The following LRIG1 variants were observed in gnomAD, a reference collection of about 807,000 sequenced individuals.
The protein encoded by LRIG1 is leucine-rich repeats and immunoglobulin-like domains protein 1.
Under a neutral mutation model 99.2 loss-of-function variants are expected in LRIG1, and 48 were observed. That is an observed-to-expected ratio of 0.48 (90% CI 0.38 to 0.62). The LOEUF is 0.62. LRIG1 is among the 20% of genes least tolerant of loss of function. The probability of loss-of-function intolerance (pLI) is 0.00; values close to 1 mark genes in which losing one functional copy is unlikely to be tolerated. For missense variants in LRIG1, 1,646 were observed against 1,434.4 expected, an observed-to-expected ratio of 1.15 and a Z score of -2.38; for synonymous variants, 772 against 596.1, an observed-to-expected ratio of 1.29 and a Z score of -4.30.
At chr3:66,461,975 G>A (rs980329490) in intron 2 of LRIG1, among the ~76,000 whole-genome samples, 2 of 152,120 alleles carry the variant, frequency 1.3e-5, no homozygotes, top group African/African-American at 2.4e-5. Context: ...TGTTGAGTGG[G>A]CTGATTAACC....
At chr3:66,401,595 G>A (rs951064467) in intron 9 of LRIG1, 2 of 1,496,308 alleles carry the variant, frequency 1.3e-6, no homozygotes, top group Non-Finnish European at 1.8e-6. Context: ...TGGTAGATTA[G>A]GCAGGGTCCT....
In LRIG1 at chr3:66,450,671, G is replaced by C. The variant is rs528584636; in HGVS notation, c.365+888C>G. Among the ~76,000 whole-genome samples the C allele has an allele frequency of 2.6e-5, 4 of 152,286 alleles. No homozygotes were observed. In the South Asian group the frequency reaches 6.2e-4, roughly 24 times the overall value. On this transcript the variant is annotated intron_variant, in intron 3 of 18. Coordinates refer to ENST00000273261, the MANE Select transcript of LRIG1 (RefSeq NM_015541.3). ...GCAAAGTTTCTCTGCTCAGCCTGCC[G>C]AGCCTCAGTATTGAGAAAAGATTCA...
intron 12 of LRIG1, among the ~76,000 whole-genome samples, chr3:66,392,603 G>T (rs1522912): frequency 6.8e-6 from 1 of 147,612 alleles, no homozygotes; most frequent in Non-Finnish European, 1.5e-5. Context: ...CGTTTTTAGA[G>T]GGGGGGAAGC....
intron 3 of LRIG1, among the ~76,000 whole-genome samples, chr3:66,421,963 A>T (rs972420700): frequency 2.0e-5 from 3 of 152,170 alleles, no homozygotes; most frequent in Admixed American, 2.0e-4. Context: ...AGCTGCCAAG[A>T]CTTGGGGCTT....
intron 1 of LRIG1, among the ~76,000 whole-genome samples, chr3:66,467,739 T>C (rs1034586511): frequency 6.6e-6 from 1 of 152,248 alleles, no homozygotes; most frequent in Non-Finnish European, 1.5e-5. Context: ...ACAGAGGTTA[T>C]TTCTATCAGC....
At chr3:66,486,176 A>G (rs949337143) in intron 1 of LRIG1, among the ~76,000 whole-genome samples, 4 of 152,190 alleles carry the variant, frequency 2.6e-5, no homozygotes, top group African/African-American at 9.6e-5. Context: ...CAGTTATAAT[A>G]ATAACATTAT....
chr3:66,410,032 C>A, intron 7 of LRIG1, 97 bp downstream of exon 7: 1 of 1,335,660 alleles, frequency 7.5e-7, no homozygotes, highest in Admixed American at 2.3e-5. Context: ...TGAGCCCTCC[C>A]CGAGGCCACT....
chr3:66,406,373 C>A (rs1350321929), intron 8 of LRIG1: 31 of 985,308 alleles, frequency 3.1e-5, no homozygotes, highest in Non-Finnish European at 3.5e-5. Context: ...CCTTTCTGGC[C>A]CGCTCAGTCT....
At chr3:66,393,908 G>T in intron 12 of LRIG1, 132 bp downstream of exon 12, 1 of 905,842 alleles carries the variant, frequency 1.1e-6, no homozygotes, top group Non-Finnish European at 1.7e-6. Context: ...GAAATAAATT[G>T]CATCCAGCAG....
chr3:66,415,478 G>C (rs1702592734), intron 4 of LRIG1, among the ~76,000 whole-genome samples: 1 of 152,204 alleles, frequency 6.6e-6, no homozygotes, highest in Admixed American at 6.5e-5. Context: ...CAAGGTCAGT[G>C]TTAATTTAAT....
intron 1 of LRIG1, among the ~76,000 whole-genome samples, chr3:66,475,437 A>G (rs1253319398): frequency 6.6e-6 from 1 of 152,188 alleles, no homozygotes; most frequent in East Asian, 1.9e-4. Context: ...GCAGGCACTC[A>G]GCTATCAGAT....
intron 1 of LRIG1, among the ~76,000 whole-genome samples, chr3:66,473,498 A>G (rs1700649192): frequency 6.6e-6 from 1 of 152,232 alleles, no homozygotes; most frequent in Admixed American, 6.5e-5. Flanking sequence ...TAAAGCTCAT[A>G]TAAAAATCCA....
intron 12 of LRIG1, among the ~76,000 whole-genome samples, chr3:66,393,718 T>C (rs764503136): frequency 6.6e-6 from 1 of 152,138 alleles, no homozygotes; most frequent in Admixed American, 6.5e-5. Context: ...GTACGCGGAG[T>C]ACATTCGCAG....
At chr3:66,416,361 A>G (rs1318536344) in intron 4 of LRIG1, among the ~76,000 whole-genome samples, 7 of 152,306 alleles carry the variant, frequency 4.6e-5, no homozygotes, top group Middle Eastern at 6.8e-3. Context: ...ATGGGTCACA[A>G]TGACCCCTAA....
At chr3:66,421,409 T>C (rs1702805346) in intron 3 of LRIG1, among the ~76,000 whole-genome samples, 3 of 152,198 alleles carry the variant, frequency 2.0e-5, no homozygotes, top group South Asian at 2.1e-4. Flanking sequence ...TGGGTAAATA[T>C]AGCCATTCCA....
intron 9 of LRIG1, chr3:66,401,712 T>C: frequency 6.8e-7 from 1 of 1,462,662 alleles, no homozygotes; most frequent in South Asian, 1.3e-5. Context: ...GGCGGGATTA[T>C]GGGCTGGGAG....
At chr3:66,487,353 TA>T (rs145039422) in intron 1 of LRIG1, among the ~76,000 whole-genome samples, 5,003 of 152,214 alleles carry the variant, frequency 0.033, 176 homozygotes, top group East Asian at 0.096. Context: ...ATTTAAATTC[TA>T]AAAACACTCC....
chr3:66,409,238 TAAAG>T (rs1405284149), intron 7 of LRIG1, among the ~76,000 whole-genome samples: 17 of 151,152 alleles, frequency 1.1e-4, no homozygotes, highest in Middle Eastern at 3.4e-3. Context: ...TTGTGAAAAA[TAAAG>T]AAACACAGTA....
chr3:66,419,769 A>C (rs1450849651), intron 3 of LRIG1, among the ~76,000 whole-genome samples: 1 of 151,776 alleles, frequency 6.6e-6, no homozygotes, highest in Non-Finnish European at 1.5e-5. Flanking sequence ...CTCTGATCAA[A>C]GCTGCTGGCC....
Sources: gnomAD v4.1 joint callset for allele counts (sites outside exome capture counted in the v4.1 genomes callset) on GRCh38, gnomAD v4.1.1 for gene constraint, MANE v1.5 for transcripts, NCBI Gene and HGNC (gene_info 2026-07-23, HGNC 2026-07-21) for gene names.